The following FBN2 variants were observed in gnomAD, a reference collection of about 807,000 sequenced individuals.
The protein encoded by FBN2 is fibrillin 2.
In FBN2, 105 loss-of-function variants were observed where a neutral mutation model predicts 355.6. That is an observed-to-expected ratio of 0.30 (90% CI 0.25 to 0.35). The LOEUF (loss-of-function observed/expected upper bound fraction) is 0.35, where lower values mean the gene tolerates loss of function less well. FBN2 is among the 10% of genes least tolerant of loss of function. The pLI, the probability that FBN2 is intolerant of heterozygous loss-of-function variation, is 1.00. For synonymous variants in FBN2, 1,350 were observed against 1,301.2 expected (o/e 1.04, Z -0.81); for missense variants, 3,280 against 3,758.7 (o/e 0.87, Z 3.33).
At chr5:128,265,935 G>A (rs1428469103) in intron 62 of FBN2, among the ~76,000 whole-genome samples, 1 of 152,154 alleles carries the variant, frequency 6.6e-6, no homozygotes, top group Admixed American at 6.5e-5. Flanking sequence ...AGGATTCCGG[G>A]GGAAATCTGT....
chr5:128,279,059 T>C (rs2126809900), intron 56 of FBN2, among the ~76,000 whole-genome samples: 1 of 152,330 alleles, frequency 6.6e-6, no homozygotes, highest in East Asian at 1.9e-4. Context: ...TACTATACTT[T>C]AGAAATAGAT....
At chr5:128,398,278 C>T (rs1752702817) in intron 8 of FBN2, among the ~76,000 whole-genome samples, 1 of 151,860 alleles carries the variant, frequency 6.6e-6, no homozygotes, top group Admixed American at 6.6e-5. Flanking sequence ...ATTAATAACA[C>T]ACTAAGGAAC....
chr5:128,452,813 T>C (rs754882667), intron 6 of FBN2, among the ~76,000 whole-genome samples: 15 of 152,194 alleles, frequency 9.9e-5, no homozygotes, highest in Non-Finnish European at 1.6e-4. Flanking sequence ...GGGCTTCTAG[T>C]TAACCCATTA....
rs1264083384 is a variant in FBN2 at position 128,393,193 on chromosome 5, A to C, written c.1407T>G (p.Pro469=). 6.2e-7 allele frequency: 1 copy of C among 1,614,092 alleles called. No individual in the cohort carries two copies. Among genetic ancestry groups the C allele is most frequent in the Admixed American group, 1.7e-5 (1 of 60,010 alleles). ...IPIPGGNGFS[P]GVGGAGVGAG... ...CCCCCACACCGGCTCCCCCAACGCC[A>C]GGAGAAAAGCCATTGCCTCCAGGGA... The change falls in exon 10 of 65, where the codon CCT becomes CCG. Residue 469 remains proline (P), a synonymous_variant. Transcript: ENST00000262464.
chr5:128,289,890 G>T lies in FBN2; in HGVS notation c.6503C>A (p.Thr2168Lys). Residue 2168 changes from threonine to lysine, a missense_variant, in exon 51 of 65, where the codon ACA becomes AAA. Coordinates refer to ENST00000262464, the MANE Select transcript of FBN2 (RefSeq NM_001999.4). ...GHGTVPSLHD[T>K]REDVNECLES... ...AATATATCAAAGCGTACCTTCACGT[G>T]TATCATGAAGACTAGGGACAGTTCC... is the stretch of plus-strand genomic sequence containing the variant. 1 of 1,573,780 alleles carries T rather than the reference G, an allele frequency of 6.4e-7. No homozygotes were observed. The highest frequency in any genetic ancestry group is 1.3e-5 in the African/African-American group (1 of 74,314).
chr5:128,493,839 G>C (rs1167462069), intron 5 of FBN2, among the ~76,000 whole-genome samples: 1 of 152,176 alleles, frequency 6.6e-6, no homozygotes, highest in African/African-American at 2.4e-5. Context: ...TTTGGTGACA[G>C]ATCTGTTATG....
intron 5 of FBN2, among the ~76,000 whole-genome samples, chr5:128,481,693 A>G (rs1755193226): frequency 6.6e-6 from 1 of 152,166 alleles, no homozygotes; most frequent in Non-Finnish European, 1.5e-5. Context: ...AATTAGAGAA[A>G]TATGATTCTT....
rs750707662 is a variant in FBN2 at position 128,339,074 on chromosome 5, G to T, written c.3344-13C>A. The T allele has an allele frequency of 8.1e-6, 13 of 1,613,308 alleles. No individual in the cohort carries two copies. The highest frequency in any genetic ancestry group is 1.3e-5 in the African/African-American group (1 of 74,924). ...CACTCGTCGATGTCTAATTCACAGG[G>T]TTTAAAAGAAATTTAAAAATTGAAT... On this transcript the variant is annotated splice_polypyrimidine_tract_variant and intron_variant, in intron 25 of 64. Coordinates refer to ENST00000262464, the MANE Select transcript of FBN2 (RefSeq NM_001999.4).
intron 14 of FBN2, among the ~76,000 whole-genome samples, chr5:128,376,454 TTA>T (rs1300678307): frequency 1.9e-4 from 29 of 152,202 alleles, no homozygotes; most frequent in Non-Finnish European, 1.6e-4. Context: ...TTGAGAGAAA[TTA>T]TTTCTACGTT....
intron 7 of FBN2, among the ~76,000 whole-genome samples, chr5:128,438,736 A>C (rs1311773754): frequency 6.6e-6 from 1 of 152,204 alleles, no homozygotes; most frequent in Non-Finnish European, 1.5e-5. Flanking sequence ...TGAGGGCTCA[A>C]GAAAAAAACT....
At chr5:128,472,854 TA>T (rs1754903954) in intron 5 of FBN2, among the ~76,000 whole-genome samples, 1 of 152,072 alleles carries the variant, frequency 6.6e-6, no homozygotes, top group Non-Finnish European at 1.5e-5. Flanking sequence ...ACGACAATCT[TA>T]AAAATAAATA....
chr5:128,316,032 T>C (rs1463969995), intron 36 of FBN2, among the ~76,000 whole-genome samples: 1 of 152,210 alleles, frequency 6.6e-6, no homozygotes, highest in African/African-American at 2.4e-5. Context: ...TTTTTTTCTC[T>C]TTGCCAAAAA....
At chr5:128,385,473 G>C (rs1015424902) in intron 11 of FBN2, among the ~76,000 whole-genome samples, 10 of 152,082 alleles carry the variant, frequency 6.6e-5, no homozygotes, top group African/African-American at 9.7e-5. Flanking sequence ...TGGGCATTTA[G>C]GCTGTTTCCA....
chr5:128,419,859 C>T (rs549529000), intron 7 of FBN2, among the ~76,000 whole-genome samples: 1 of 151,994 alleles, frequency 6.6e-6, no homozygotes, highest in Non-Finnish European at 1.5e-5. Context: ...CCATGCCTGG[C>T]TAATTTTGTA....
intron 5 of FBN2, among the ~76,000 whole-genome samples, chr5:128,511,814 C>A (rs772499987): frequency 6.6e-6 from 1 of 152,094 alleles, no homozygotes; most frequent in African/African-American, 2.4e-5. Flanking sequence ...ACTCTCTGAC[C>A]TACTTCTTCA....
At chr5:128,336,865 G>A (rs1176394430) in intron 27 of FBN2, among the ~76,000 whole-genome samples, 2 of 152,150 alleles carry the variant, frequency 1.3e-5, no homozygotes, top group Non-Finnish European at 1.5e-5. Flanking sequence ...GTAAAAAACA[G>A]TACAGTATAA....
intron 55 of FBN2, among the ~76,000 whole-genome samples, chr5:128,284,803 A>C (rs1749098137): frequency 6.6e-6 from 1 of 152,168 alleles, no homozygotes; most frequent in Non-Finnish European, 1.5e-5. Context: ...GTTTGTTGAT[A>C]ATTAAATAGC....
chr5:128,385,833 G>A (rs1236822171), intron 11 of FBN2, among the ~76,000 whole-genome samples: 1 of 151,958 alleles, frequency 6.6e-6, no homozygotes, highest in African/African-American at 2.4e-5. Flanking sequence ...CTGCATGTAT[G>A]TCTTCTTTAG....
At chr5:128,536,299 G>C (rs1756844187) in intron 2 of FBN2, 103 bp downstream of exon 2, 2 of 870,842 alleles carry the variant, frequency 2.3e-6, no homozygotes, top group East Asian at 2.6e-5. Flanking sequence ...GTGATCACTT[G>C]ATTTTAAACG....
Sources: allele counts gnomAD v4.1 joint callset (sites outside exome capture counted in the v4.1 genomes callset), GRCh38; gene constraint gnomAD v4.1.1; transcripts MANE v1.5; gene names NCBI Gene and HGNC (gene_info 2026-07-23, HGNC 2026-07-21).